The following LPP variants were observed in gnomAD, a reference collection of about 807,000 sequenced individuals.
LPP encodes the protein LIM domain containing preferred translocation partner in lipoma.
In LPP, 38 loss-of-function variants were observed where a neutral mutation model predicts 60.4. The observed-to-expected ratio is 0.63, with a 90% CI of 0.49 to 0.83. The LOEUF (loss-of-function observed/expected upper bound fraction) is 0.83, where lower values mean the gene tolerates loss of function less well. Ranked by LOEUF, LPP falls within the 40% of genes least tolerant of loss-of-function variation. The probability of loss-of-function intolerance (pLI) is 0.00; values close to 1 mark genes in which losing one functional copy is unlikely to be tolerated. For missense variants in LPP, 902 were observed against 783.6 expected (o/e 1.15, Z -1.80); for synonymous variants, 328 against 290.8 (o/e 1.13, Z -1.30).
intron 3 of LPP, among the ~76,000 whole-genome samples, chr3:188,357,578 G>A (rs183297250): frequency 6.6e-6 from 1 of 152,260 alleles, no homozygotes; most frequent in African/African-American, 2.4e-5. Context: ...GTTGGAGAGG[G>A]TTCATCCAAA....
intron 9 of LPP, among the ~76,000 whole-genome samples, chr3:188,771,922 C>A (rs1048063689): frequency 6.6e-6 from 1 of 152,126 alleles, no homozygotes; most frequent in African/African-American, 2.4e-5. Flanking sequence ...AATGTGTCAG[C>A]GGTCACCTGC....
At chr3:188,319,258 A>T (rs1298737296) in intron 2 of LPP, among the ~76,000 whole-genome samples, 1 of 152,160 alleles carries the variant, frequency 6.6e-6, no homozygotes, top group Non-Finnish European at 1.5e-5. Flanking sequence ...AGTCTTTGAA[A>T]CATCCAACGG....
At chr3:188,524,358 T>C (rs1819857672) in intron 5 of LPP, among the ~76,000 whole-genome samples, 5 of 152,230 alleles carry the variant, frequency 3.3e-5, no homozygotes, top group African/African-American at 9.6e-5. Flanking sequence ...TTCTGTTCTT[T>C]AGGTGCAGGA....
At chr3:188,670,837 C>T (rs1856813651) in intron 7 of LPP, among the ~76,000 whole-genome samples, 1 of 152,122 alleles carries the variant, frequency 6.6e-6, no homozygotes, top group Non-Finnish European at 1.5e-5. Flanking sequence ...ATCTTATGAC[C>T]ACAGGCTTTA....
At chr3:188,298,933 T>C (rs1405411613) in intron 2 of LPP, among the ~76,000 whole-genome samples, 1 of 152,184 alleles carries the variant, frequency 6.6e-6, no homozygotes, top group Admixed American at 6.5e-5. Flanking sequence ...TCTTATTCTA[T>C]AGGCTTCAGC....
At chr3:188,359,273 G>A (rs1396880795) in intron 3 of LPP, among the ~76,000 whole-genome samples, 1 of 152,200 alleles carries the variant, frequency 6.6e-6, no homozygotes. Context: ...TAGAAAGCAA[G>A]CTGCATCCGA....
In LPP at chr3:188,760,231, G is replaced by C. The variant is rs143323560; in HGVS notation, c.1359G>C (p.Gly453=). The C allele has an allele frequency of 6.2e-7, 1 of 1,614,092 alleles. No homozygotes were observed. Residue 453 remains glycine (G), a synonymous_variant, in exon 9 of 12, where the codon GGG becomes GGC. Coordinates refer to ENST00000617246, the MANE Select transcript of LPP (RefSeq NM_001375462.1). Reference sequence around the variant, plus strand: ...TCATCTGCAACAACAAGCTCCGAGGGCAGCCATTCTATGCTGTGGAAAAGA... The same window carrying C: ...TCATCTGCAACAACAAGCTCCGAGGCCAGCCATTCTATGCTGTGGAAAAGA... ...TCIICNNKLR[G]QPFYAVEKKA...
intron 7 of LPP, among the ~76,000 whole-genome samples, chr3:188,677,950 T>C (rs1335525421): frequency 6.6e-6 from 1 of 152,122 alleles, no homozygotes; most frequent in African/African-American, 2.4e-5. Context: ...GAAATCAAAC[T>C]GTAGCCCTGG....
At chr3:188,301,355 C>G (rs1201905765) in intron 2 of LPP, among the ~76,000 whole-genome samples, 8 of 152,182 alleles carry the variant, frequency 5.3e-5, no homozygotes, top group Non-Finnish European at 1.2e-4. Context: ...GTGGAAATAA[C>G]CAGAGCTCGG....
intron 5 of LPP, among the ~76,000 whole-genome samples, chr3:188,523,028 C>T (rs776856422): frequency 1.1e-4 from 16 of 151,872 alleles, no homozygotes; most frequent in South Asian, 2.1e-4. Context: ...CTGCCTCAGC[C>T]TCCCAAGTAT....
At chr3:188,293,002 G>A (rs1746542049) in intron 2 of LPP, among the ~76,000 whole-genome samples, 1 of 152,114 alleles carries the variant, frequency 6.6e-6, no homozygotes, top group African/African-American at 2.4e-5. Context: ...CTACAAACAA[G>A]GTTAGAAATG....
intron 7 of LPP, among the ~76,000 whole-genome samples, chr3:188,617,465 C>G (rs1425704095): frequency 2.6e-5 from 4 of 152,012 alleles, no homozygotes; most frequent in African/African-American, 9.7e-5. Context: ...TCTTTAGAAC[C>G]CCATCATCAG....
chr3:188,614,392 A>G (rs1334286709), intron 7 of LPP, among the ~76,000 whole-genome samples: 1 of 152,202 alleles, frequency 6.6e-6, no homozygotes, highest in Non-Finnish European at 1.5e-5. Flanking sequence ...GGGCAGAGGA[A>G]TGAATGCAGA....
At chr3:188,699,585 A>G (rs1216551084) in intron 7 of LPP, among the ~76,000 whole-genome samples, 1 of 152,204 alleles carries the variant, frequency 6.6e-6, no homozygotes, top group East Asian at 1.9e-4. Context: ...TAAAGTCAAA[A>G]TTTCTGGGTC....
intron 1 of LPP, among the ~76,000 whole-genome samples, chr3:188,193,139 A>G (rs1422135161): frequency 6.6e-6 from 1 of 152,130 alleles, no homozygotes; most frequent in Non-Finnish European, 1.5e-5. Flanking sequence ...CTATAACTTG[A>G]CTTTAGGGAG....
chr3:188,537,782 A>G (rs1452027949), intron 6 of LPP, among the ~76,000 whole-genome samples: 1 of 152,188 alleles, frequency 6.6e-6, no homozygotes, highest in Non-Finnish European at 1.5e-5. Flanking sequence ...GAGACCCAGA[A>G]TTGCCAAAAT....
intron 9 of LPP, among the ~76,000 whole-genome samples, chr3:188,804,764 T>C (rs1188180304): frequency 6.6e-6 from 1 of 152,092 alleles, no homozygotes; most frequent in East Asian, 1.9e-4. Flanking sequence ...TGAACATTTT[T>C]GCGCTGTTCC....
At chr3:188,746,620 C>A in intron 8 of LPP, 1 of 458,108 alleles carries the variant, frequency 2.2e-6, no homozygotes, top group Admixed American at 2.4e-5. Context: ...TGCAAGAAAC[C>A]GTTACTGAGC....
rs1441388742 is a variant in LPP, at chr3:188,572,194, T to C, written c.430-36967T>C. Among the ~76,000 whole-genome samples the C allele has an allele frequency of 1.3e-5, 2 of 152,096 alleles. No individual in the cohort carries two copies. Among genetic ancestry groups the C allele is most frequent in the Non-Finnish European group, 2.9e-5 (2 of 68,010 alleles). On this transcript the variant is annotated intron_variant, in intron 6 of 11. Transcript: ENST00000617246. The surrounding 1 kb of genome is among the most constrained non-coding windows in gnomAD (Gnocchi z 4.1). ...TTTGTTGCACTTATATTTTGCTTTTTATGTATGTAGAGGGGTGACATATGA... is the reference window on the plus strand; with the variant it reads ...TTTGTTGCACTTATATTTTGCTTTTCATGTATGTAGAGGGGTGACATATGA...
Sources: allele counts gnomAD v4.1 joint callset (sites outside exome capture counted in the v4.1 genomes callset), GRCh38; gene constraint gnomAD v4.1.1; non-coding constraint Gnocchi (gnomAD v3.1); transcripts MANE v1.5; gene names NCBI Gene and HGNC (gene_info 2026-07-23, HGNC 2026-07-21).